The following NINL variants were observed in gnomAD, a reference collection of about 807,000 sequenced individuals.
NINL encodes ninein-like protein.
A neutral mutation model predicts 160.3 loss-of-function variants in NINL; 153 were observed. The observed-to-expected ratio is 0.95, with a 90% CI of 0.84 to 1.09. NINL has a LOEUF of 1.09. Among genes scored for constraint, NINL ranks in the 50% least tolerant of loss-of-function variants. The pLI, the probability that NINL is intolerant of heterozygous loss-of-function variation, is 0.00. For synonymous variants in NINL, 800 were observed against 734.8 expected (o/e 1.09, Z -1.43); for missense variants, 1,829 against 1,764.0 (o/e 1.04, Z -0.66).
chr20:25,550,920 G>A (rs925143698), intron 1 of NINL, among the ~76,000 whole-genome samples: 8 of 152,128 alleles, frequency 5.3e-5, no homozygotes, highest in African/African-American at 9.7e-5. Context: ...TACAGGTGTC[G>A]GGCTGGGGGA....
intron 1 of NINL, among the ~76,000 whole-genome samples, chr20:25,556,914 C>A (rs1332532276): frequency 6.6e-6 from 1 of 152,082 alleles, no homozygotes; most frequent in East Asian, 1.9e-4. Context: ...TACCTGAGAG[C>A]AACCAAAAAC....
chr20:25,473,481 TA>T (rs1424590603), intron 17 of NINL, among the ~76,000 whole-genome samples: 1 of 133,812 alleles, frequency 7.5e-6, no homozygotes, highest in African/African-American at 2.9e-5. Context: ...AAATATAAAA[TA>T]AAATAATAAA....
At chr20:25,500,128 C>T (rs2063839129) in intron 8 of NINL, among the ~76,000 whole-genome samples, 1 of 152,150 alleles carries the variant, frequency 6.6e-6, no homozygotes, top group South Asian at 2.1e-4. Context: ...GTTGAGTTCA[C>T]TGCACCTCGT....
intron 17 of NINL, 60 bp from the exon 18 acceptor site, chr20:25,470,155 G>T: frequency 7.3e-7 from 1 of 1,373,844 alleles, no homozygotes; most frequent in Non-Finnish European, 1.0e-6. Context: ...GGTCACGGAG[G>T]CTGGCTCTGC....
At chr20:25,557,554 A>C (rs2064881836) in intron 1 of NINL, among the ~76,000 whole-genome samples, 1 of 152,084 alleles carries the variant, frequency 6.6e-6, no homozygotes, top group African/African-American at 2.4e-5. Flanking sequence ...GGAAAAAAAA[A>C]AGAGTACAGT....
At chr20:25,561,298 C>A (rs968775744) in intron 1 of NINL, among the ~76,000 whole-genome samples, 2 of 152,290 alleles carry the variant, frequency 1.3e-5, no homozygotes, top group East Asian at 3.9e-4. Context: ...CTCGGCCTCC[C>A]GAGGTGCCGG....
At chr20:25,459,968 C>T (rs2146310216) in intron 21 of NINL, among the ~76,000 whole-genome samples, 1 of 152,226 alleles carries the variant, frequency 6.6e-6, no homozygotes, top group Non-Finnish European at 1.5e-5. Flanking sequence ...GCAGATGGGG[C>T]ATCATCTCCC....
At chr20:25,517,525 G>A (rs1044831364) in intron 3 of NINL, among the ~76,000 whole-genome samples, 2 of 152,230 alleles carry the variant, frequency 1.3e-5, no homozygotes, top group Non-Finnish European at 2.9e-5. Flanking sequence ...ACAGTGCAGT[G>A]TCATCATCCA....
At position 25,453,147 on chromosome 20, in the gene NINL, C is replaced by G; in HGVS notation, c.*304G>C. ...AGTGCTGTCCATAACTGCTCACTTACCTGCTCCTTGCTGACAGCTCCCAGG... is the reference window on the plus strand; with the variant it reads ...AGTGCTGTCCATAACTGCTCACTTAGCTGCTCCTTGCTGACAGCTCCCAGG... On this transcript the variant is annotated 3_prime_UTR_variant, in exon 24 of 24. Transcript: ENST00000278886. 2 of 279,946 alleles carry G rather than the reference C, an allele frequency of 7.1e-6. No homozygotes were observed. Among genetic ancestry groups the G allele is most frequent in the Non-Finnish European group, 1.3e-5 (2 of 150,328 alleles). 17.3% of individuals were successfully genotyped at this position (279,946 alleles called of 1,614,324 possible). A position where few individuals can be genotyped will look rare whatever the true frequency, so the allele number is the denominator to read the frequency against.
chr20:25,548,022 A>ACTGC (rs2064756873), intron 1 of NINL, among the ~76,000 whole-genome samples: 1 of 152,246 alleles, frequency 6.6e-6, no homozygotes, highest in South Asian at 2.1e-4. Context: ...AACACTGCAC[A>ACTGC]CTGCCTGGGA....
chr20:25,503,877 G>A (rs2063913607), intron 7 of NINL, 75 bp downstream of exon 7: 1 of 1,557,408 alleles, frequency 6.4e-7, no homozygotes, highest in Admixed American at 1.7e-5. Context: ...CAGGCAGGGA[G>A]GGAGTCAGCA....
At chr20:25,490,033 G>T in intron 11 of NINL, 48 bp from the exon 12 acceptor site, 2 of 1,515,668 alleles carry the variant, frequency 1.3e-6, no homozygotes, top group South Asian at 1.1e-5. Flanking sequence ...AGGACGGAGG[G>T]GATGTGTGCA....
In NINL at chr20:25,489,315, G is replaced by C. The variant is rs2063571393; in HGVS notation, c.1606C>G (p.Gln536Glu). 6.2e-7 allele frequency: 1 copy of C among 1,613,720 alleles called. No homozygotes were observed. The highest frequency in any genetic ancestry group is 1.7e-5 in the Admixed American group (1 of 60,006). ...TCCTGGGCCAGGAGCTCTGCACTCTGTGGCTCCAGCTGAAAGGCAGACACA... is the reference window on the plus strand; with the variant it reads ...TCCTGGGCCAGGAGCTCTGCACTCTCTGGCTCCAGCTGAAAGGCAGACACA... Reference protein sequence around the residue: ...EFVLKDKLEPQSAELLAQEER... With the variant: ...EFVLKDKLEPESAELLAQEER... Residue 536 changes from glutamine (Q) to glutamate (E), a missense_variant, in exon 13 of 24, where the codon CAG becomes GAG. Physicochemically the swap from Gln to Glu is conservative, Grantham distance 29. Transcript: ENST00000278886.
intron 2 of NINL, among the ~76,000 whole-genome samples, chr20:25,525,189 C>G (rs534568758): frequency 6.6e-6 from 1 of 152,294 alleles, no homozygotes; most frequent in South Asian, 2.1e-4. Flanking sequence ...GAGGGAGGCA[C>G]AGTGCCCTGC....
chr20:25,502,440 A>T (rs2063887470), intron 7 of NINL, among the ~76,000 whole-genome samples: 1 of 152,196 alleles, frequency 6.6e-6, no homozygotes, highest in Non-Finnish European at 1.5e-5. Context: ...GGTCTCCTCA[A>T]ACTGCAGAGA....
chr20:25,519,989 CAAAA>C (rs59160061), intron 2 of NINL, among the ~76,000 whole-genome samples: 580 of 11,734 alleles, frequency 0.049, no homozygotes, highest in African/African-American at 0.11. Context: ...GACCCCGTCT[CAAAA>C]AAAAAAAAAA....
At chr20:25,460,597 G>T (rs966191161) in intron 21 of NINL, among the ~76,000 whole-genome samples, 2 of 152,164 alleles carry the variant, frequency 1.3e-5, no homozygotes, top group Admixed American at 1.3e-4. Flanking sequence ...AGAGAAGGGT[G>T]CCTCAAATAG....
chr20:25,575,483 T>C (rs1414043711), intron 1 of NINL, among the ~76,000 whole-genome samples: 1 of 141,922 alleles, frequency 7.0e-6, no homozygotes. Flanking sequence ...CCAGGTGTGG[T>C]GGCTTGCGCC....
At chr20:25,468,866 C>G (rs1410676263) in intron 18 of NINL, among the ~76,000 whole-genome samples, 1 of 144,696 alleles carries the variant, frequency 6.9e-6, no homozygotes, top group Non-Finnish European at 1.5e-5. Context: ...GCCCTGTCCC[C>G]CGACTCTCAC....
Sources: allele counts gnomAD v4.1 joint callset (sites outside exome capture counted in the v4.1 genomes callset), GRCh38; gene constraint gnomAD v4.1.1; transcripts MANE v1.5; gene names NCBI Gene and HGNC (gene_info 2026-07-23, HGNC 2026-07-21).